The following DDX19A variants were observed in gnomAD, a reference collection of about 807,000 sequenced individuals.
DDX19A encodes ATP-dependent RNA helicase DDX19A.
Under a neutral mutation model 60.6 loss-of-function variants are expected in DDX19A, and 12 were observed. That is an observed-to-expected ratio of 0.20 (90% CI 0.13 to 0.32). The LOEUF (loss-of-function observed/expected upper bound fraction) is 0.32. Among genes scored for constraint, DDX19A ranks in the 10% least tolerant of loss-of-function variants. The probability of loss-of-function intolerance (pLI) is 1.00; values close to 1 mark genes in which losing one functional copy is unlikely to be tolerated. For synonymous variants in DDX19A, 206 were observed against 218.2 expected (o/e 0.94, Z 0.49); for missense variants, 337 against 600.6 (o/e 0.56, Z 4.59).
chr16:70,360,039 G>T (rs1472726412), intron 4 of DDX19A, among the ~76,000 whole-genome samples: 1 of 151,934 alleles, frequency 6.6e-6, no homozygotes, highest in African/African-American at 2.4e-5. Flanking sequence ...CTAGCACTTT[G>T]GGAGGCCGAG....
intron 1 of DDX19A, among the ~76,000 whole-genome samples, chr16:70,348,515 T>A (rs1963914707): frequency 6.6e-6 from 1 of 151,280 alleles, no homozygotes; most frequent in African/African-American, 2.4e-5. Context: ...TAATACCAGC[T>A]ACTCAGGAGG....
chr16:70,367,421 C>T (rs957214322), intron 9 of DDX19A, among the ~76,000 whole-genome samples: 5 of 150,348 alleles, frequency 3.3e-5, no homozygotes, highest in East Asian at 1.9e-4. Context: ...AGAGAGACTC[C>T]GTCTCAAAAA....
At chr16:70,366,372 T>A in intron 8 of DDX19A, 110 bp downstream of exon 8, 1 of 1,487,102 alleles carries the variant, frequency 6.7e-7, no homozygotes, top group Non-Finnish European at 9.2e-7. Context: ...TCTCGTACTC[T>A]CAGCAGCATT....
chr16:70,363,706 A>C (rs1391768465), intron 5 of DDX19A: 2 of 151,662 alleles, frequency 1.3e-5, no homozygotes, highest in Admixed American at 6.6e-5. Flanking sequence ...CCTGACCTCA[A>C]GTGATCTGCC....
chr16:70,365,621 A>T, intron 7 of DDX19A: 1 of 204,830 alleles, frequency 4.9e-6, no homozygotes, highest in Non-Finnish European at 9.9e-6. Flanking sequence ...CAAAAAATAA[A>T]AAAAAAAAAA....
At chr16:70,349,238 C>T (rs978576383) in intron 1 of DDX19A, among the ~76,000 whole-genome samples, 14 of 152,110 alleles carry the variant, frequency 9.2e-5, no homozygotes, top group East Asian at 1.9e-4. Context: ...TTCATTCTTC[C>T]GGTAGCAAAT....
At chr16:70,360,372 G>A (rs147785297) in intron 4 of DDX19A, among the ~76,000 whole-genome samples, 2 of 140,636 alleles carry the variant, frequency 1.4e-5, no homozygotes, top group East Asian at 4.1e-4. Flanking sequence ...CCAGCCCAGA[G>A]TGCAGCGGGG....
chr16:70,366,418 C>A, intron 8 of DDX19A, 156 bp downstream of exon 8: 2 of 1,284,302 alleles, frequency 1.6e-6, no homozygotes, highest in Non-Finnish European at 2.2e-6. Flanking sequence ...GCGCTGATCA[C>A]AGTCCCTCCC....
chr16:70,356,161 T>C lies in DDX19A; in HGVS notation c.207T>C (p.Leu69=). The C allele has an allele frequency of 6.2e-7, 1 of 1,614,036 alleles. No individual in the cohort carries two copies. The highest frequency in any genetic ancestry group is 8.5e-7 in the Non-Finnish European group (1 of 1,180,010). Residue 69 remains leucine (L), a synonymous_variant, in exon 4 of 12, where the codon CTT becomes CTC. Transcript: ENST00000302243. ...SLLNKLIRSN[L]VDNTNQVEVL... is the part of the protein sequence containing the mutation. Reference sequence around the variant, plus strand: ...TCAACAAGCTGATCAGAAGCAACCTTGTTGATAACACAAACCAAGTGGAAG... The same window carrying C: ...TCAACAAGCTGATCAGAAGCAACCTCGTTGATAACACAAACCAAGTGGAAG...
chr16:70,365,724 G>A (rs1964499904), intron 7 of DDX19A: 3 of 339,746 alleles, frequency 8.8e-6, no homozygotes, highest in Non-Finnish European at 1.7e-5. Flanking sequence ...AAGCTGCAGT[G>A]AGCCATGACT....
In DDX19A at chr16:70,353,900, C is replaced by CAAA. The variant is rs564352365; in HGVS notation, c.107-1569_107-1567dup. Among the ~76,000 whole-genome samples the CAAA allele has an allele frequency of 1.0e-3, 72 of 71,688 alleles. 1 individual carries two copies. The highest frequency in any genetic ancestry group is 2.5e-3 in the African/African-American group (60 of 24,110). 47.0% of individuals were successfully genotyped at this position (71,688 alleles called of 152,430 possible). A position where few individuals can be genotyped will look rare whatever the true frequency, so the allele number is the denominator to read the frequency against. ...TGGGCAACAGAGTGAGACTCTGTCT[C>CAAA]AAAAAAAAAAAAAAAAAACACAGGC... On this transcript the variant is annotated intron_variant, in intron 2 of 11. Transcript: ENST00000302243.
At position 70,348,813 on chromosome 16, in the gene DDX19A, T is replaced by C. The variant is rs184272136; in HGVS notation, c.58-1744T>C. On this transcript the variant is annotated intron_variant, in intron 1 of 11. Transcript: ENST00000302243. ...AAAAATTAGCTGGGCGGGGTGGTGG[T>C]ACACTCCTGTAGTCCCAGTTACTCA... Among the ~76,000 whole-genome samples the C allele has an allele frequency of 1.3e-3, 204 of 151,746 alleles. 5 individuals are homozygous for C. Among genetic ancestry groups the C allele is most frequent in the African/African-American group, 4.5e-3 (187 of 41,330 alleles).
At chr16:70,347,312 G>A (rs945629788) in intron 1 of DDX19A, 1 of 521,990 alleles carries the variant, frequency 1.9e-6, no homozygotes, top group Non-Finnish European at 3.4e-6. Flanking sequence ...TGACCTCCTC[G>A]GTGACGATTA....
intron 2 of DDX19A, among the ~76,000 whole-genome samples, chr16:70,355,248 G>T (rs565128459): frequency 9.8e-4 from 149 of 152,198 alleles, no homozygotes; most frequent in African/African-American, 3.4e-3. Flanking sequence ...ATGGTGGTGC[G>T]TGCCTAATCC....
chr16:70,353,857 T>A (rs1313554428), intron 2 of DDX19A, among the ~76,000 whole-genome samples: 1 of 147,922 alleles, frequency 6.8e-6, no homozygotes, highest in Non-Finnish European at 1.5e-5. Flanking sequence ...GCCGAGATCG[T>A]GCCACTGCAC....
intron 6 of DDX19A, 58 bp downstream of exon 6, chr16:70,364,703 T>C (rs1597536920): frequency 1.5e-6 from 2 of 1,295,014 alleles, no homozygotes; most frequent in African/African-American, 2.9e-5. Context: ...CGCAGTGCCA[T>C]CTGGTGAGGA....
chr16:70,363,006 T>A (rs1464455747), intron 5 of DDX19A, among the ~76,000 whole-genome samples: 1 of 142,204 alleles, frequency 7.0e-6, no homozygotes, highest in Admixed American at 7.1e-5. Context: ...AGAGTAAGAC[T>A]CTGTCTCAAA....
At chr16:70,363,071 C>CA (rs966834529) in intron 5 of DDX19A, among the ~76,000 whole-genome samples, 3 of 151,516 alleles carry the variant, frequency 2.0e-5, no homozygotes, top group Non-Finnish European at 4.4e-5. Context: ...GGGCTGGTCT[C>CA]AAACTCCTGG....
intron 5 of DDX19A, among the ~76,000 whole-genome samples, chr16:70,362,301 T>C (rs1242140258): frequency 7.4e-6 from 1 of 135,564 alleles, no homozygotes; most frequent in Non-Finnish European, 1.5e-5. Context: ...AGCCGAGACA[T>C]GCCACTGCAC....
Sources: gnomAD v4.1 joint callset for allele counts (sites outside exome capture counted in the v4.1 genomes callset) on GRCh38, gnomAD v4.1.1 for gene constraint, MANE v1.5 for transcripts, NCBI Gene and HGNC (gene_info 2026-07-23, HGNC 2026-07-21) for gene names.